CUX1: variants seen among roughly 807,000 people sequenced by gnomAD.
CUX1 encodes the protein protein CASP.
Under a neutral mutation model 158.8 loss-of-function variants are expected in CUX1, and 31 were observed. That is an observed-to-expected ratio of 0.20 (90% CI 0.15 to 0.26). The LOEUF (loss-of-function observed/expected upper bound fraction) is 0.26. Ranked by LOEUF, CUX1 falls within the 10% of genes least tolerant of loss-of-function variation. The probability of loss-of-function intolerance (pLI) is 1.00; values close to 1 mark genes in which losing one functional copy is unlikely to be tolerated. For synonymous variants in CUX1, 879 were observed against 862.1 expected (o/e 1.02, Z -0.34); for missense variants, 1,589 against 2,014.6 (o/e 0.79, Z 4.04).
At chr7:102,227,951 C>CTTTTTTTT (rs781968632) in intron 21 of CUX1, among the ~76,000 whole-genome samples, 2 of 117,300 alleles carry the variant, frequency 1.7e-5, no homozygotes, top group Non-Finnish European at 3.4e-5. Flanking sequence ...TCTTTTTTTT[C>CTTTTTTTT]TTTTTTTTTT....
intron 3 of CUX1, among the ~76,000 whole-genome samples, chr7:102,051,654 C>CAAAAAAAAAAAAAAAAAAAAAAAA (rs1299911064): frequency 7.1e-4 from 64 of 89,714 alleles, no homozygotes; most frequent in African/African-American, 2.4e-3. Context: ...GACTCTGTCT[C>CAAAAAAAAAAAAAAAAAAAAAAAA]AAAAAAAAAA....
intron 2 of CUX1, among the ~76,000 whole-genome samples, chr7:101,989,474 C>T (rs1814809043): frequency 6.6e-6 from 1 of 152,184 alleles, no homozygotes; most frequent in African/African-American, 2.4e-5. Flanking sequence ...GTCTGTAAGC[C>T]CCCATGGAAG....
At chr7:101,931,459 C>CT (rs1241597406) in intron 2 of CUX1, among the ~76,000 whole-genome samples, 2 of 152,218 alleles carry the variant, frequency 1.3e-5, no homozygotes, top group Non-Finnish European at 2.9e-5. Flanking sequence ...ACTTAACACT[C>CT]ACAGGATCCC....
intron 1 of CUX1, among the ~76,000 whole-genome samples, chr7:101,841,301 T>G (rs961873653): frequency 6.6e-6 from 1 of 152,128 alleles, no homozygotes; most frequent in South Asian, 2.1e-4. Context: ...ATTTTTTTTT[T>G]GTAAATCTGT....
Position 102,256,375 on chromosome 7 carries a change from T to C in CUX1, c.*7333T>C, listed in dbSNP as rs1789897944. The C allele has an allele frequency of 2.0e-6, 2 of 985,198 alleles. No homozygotes were observed. The highest frequency in any genetic ancestry group is 3.5e-5 in the African/African-American group (2 of 57,240). The allele number at this position is 985,198 out of a possible 1,614,324, so 61.0% of individuals were successfully genotyped here. ...ATTAGGTTAATCATTTAAGTACTTA[T>C]CAGGAGTGTATTGTTATTTTGTGTT... is the stretch of plus-strand genomic sequence containing the variant. On this transcript the variant is annotated 3_prime_UTR_variant, in exon 24 of 24. Transcript: ENST00000292535.
At chr7:102,153,225 A>C (rs1404004397) in intron 8 of CUX1, 2 of 152,296 alleles carry the variant, frequency 1.3e-5, no homozygotes, top group Non-Finnish European at 2.9e-5. Context: ...AGCCCCACCC[A>C]GGCCCCATAA....
At chr7:102,233,900 T>C in intron 21 of CUX1, 152 bp from the exon 22 acceptor site, 1 of 475,892 alleles carries the variant, frequency 2.1e-6, no homozygotes, top group Non-Finnish European at 3.5e-6. Context: ...GAAGATATAT[T>C]TCTACCACAT....
At chr7:102,091,666 A>G (rs1464292387) in intron 4 of CUX1, among the ~76,000 whole-genome samples, 15 of 152,134 alleles carry the variant, frequency 9.9e-5, no homozygotes, top group Non-Finnish European at 1.9e-4. Flanking sequence ...AGAAAATTAT[A>G]TAGCTCATCT....
At chr7:101,917,827 G>A (rs1272052141) in intron 2 of CUX1, among the ~76,000 whole-genome samples, 1 of 152,050 alleles carries the variant, frequency 6.6e-6, no homozygotes, top group African/African-American at 2.4e-5. Flanking sequence ...TATGTCTGAG[G>A]GTTTCCATAG....
intron 20 of CUX1, among the ~76,000 whole-genome samples, chr7:102,216,534 C>G (rs199828279): frequency 1.2e-5 from 1 of 81,234 alleles, no homozygotes; most frequent in South Asian, 4.5e-4. Context: ...ACTCTCCCCC[C>G]CACACACACA....
intron 3 of CUX1, among the ~76,000 whole-genome samples, chr7:102,068,688 G>T (rs972479034): frequency 6.6e-6 from 1 of 152,138 alleles, no homozygotes; most frequent in South Asian, 2.1e-4. Context: ...TAATTAAACC[G>T]CATCCTTTGC....
Position 102,249,558 on chromosome 7 carries a change from C to G in CUX1, c.*516C>G. 1.4e-5 allele frequency: 14 copies of G among 985,658 alleles called. No homozygotes were observed. The highest frequency in any genetic ancestry group is 1.7e-5 in the Non-Finnish European group (14 of 829,916). The allele number at this position is 985,658 out of a possible 1,614,324, so 61.1% of individuals were successfully genotyped here. On this transcript the variant is annotated 3_prime_UTR_variant, in exon 24 of 24. Coordinates refer to ENST00000292535, the MANE Select transcript of CUX1 (RefSeq NM_181552.4). ...CAGCTTTGCCTTGTGTCCTCCTGTT[C>G]CGTGTGGGCTTTAAAAGAAAAAAAA... is the stretch of plus-strand genomic sequence containing the variant.
intron 4 of CUX1, among the ~76,000 whole-genome samples, chr7:102,085,335 G>A (rs782311454): frequency 3.3e-5 from 5 of 152,220 alleles, no homozygotes; most frequent in South Asian, 2.1e-4. Flanking sequence ...TATGAGGAAC[G>A]ATATGGTTTG....
intron 3 of CUX1, among the ~76,000 whole-genome samples, chr7:102,050,057 C>T (rs1355024243): frequency 6.6e-6 from 1 of 152,184 alleles, no homozygotes; most frequent in Admixed American, 6.5e-5. Flanking sequence ...GGGGTGTAGA[C>T]ACTGCTTCCC....
chr7:102,283,100 G>T (rs782100521), exon 23 of CUX1: 2 of 1,612,450 alleles, frequency 1.2e-6, no homozygotes, highest in Non-Finnish European at 1.7e-6. Context: ...ATACCCCGGG[G>T]CCTCCCCCGT....
intron 1 of CUX1, among the ~76,000 whole-genome samples, chr7:101,882,777 G>T (rs952956696): frequency 6.6e-6 from 1 of 152,202 alleles, no homozygotes; most frequent in Non-Finnish European, 1.5e-5. Flanking sequence ...CTCTGTGGGC[G>T]TGGGATGGAG....
At chr7:102,124,984 G>A (rs564197814) in intron 8 of CUX1, among the ~76,000 whole-genome samples, 17 of 152,220 alleles carry the variant, frequency 1.1e-4, no homozygotes, top group African/African-American at 3.9e-4. Flanking sequence ...GTTTCGCCAT[G>A]TTGGCCAGGC....
At chr7:102,200,758 G>T (rs954784254) in intron 17 of CUX1, among the ~76,000 whole-genome samples, 1 of 151,904 alleles carries the variant, frequency 6.6e-6, no homozygotes, top group Non-Finnish European at 1.5e-5. Flanking sequence ...GGTCAGGCGC[G>T]GTGGCTCACA....
intron 3 of CUX1, among the ~76,000 whole-genome samples, chr7:102,059,428 G>C (rs1324398714): frequency 6.6e-6 from 1 of 151,994 alleles, no homozygotes; most frequent in Non-Finnish European, 1.5e-5. Context: ...GAGGTCAGGA[G>C]TTCGAGACCA....
Sources: allele counts gnomAD v4.1 joint callset (sites outside exome capture counted in the v4.1 genomes callset), GRCh38; gene constraint gnomAD v4.1.1; transcripts MANE v1.5; gene names NCBI Gene and HGNC (gene_info 2026-07-23, HGNC 2026-07-21).